Variants in HSPA12A observed in about 807,000 individuals in gnomAD.
HSPA12A encodes heat shock protein family A (Hsp70) member 12A.
Under a neutral mutation model 69.2 loss-of-function variants are expected in HSPA12A, and 28 were observed. The observed-to-expected ratio is 0.40, with a 90% CI of 0.30 to 0.55. HSPA12A has a LOEUF of 0.55. Among genes scored for constraint, HSPA12A ranks in the 20% least tolerant of loss-of-function variants. The pLI is 0.38. For synonymous variants in HSPA12A, 345 were observed against 370.5 expected (o/e 0.93, Z 0.79); for missense variants, 686 against 900.7 (o/e 0.76, Z 3.05).
At chr10:116,760,341 T>G (rs1259217100) in intron 2 of HSPA12A, among the ~76,000 whole-genome samples, 3 of 152,046 alleles carry the variant, frequency 2.0e-5, no homozygotes, top group African/African-American at 4.8e-5. Context: ...GCTCCCTGTT[T>G]CACTCTCCCA....
In HSPA12A at chr10:116,817,178, G is replaced by GT. The variant is rs1015492205; in HGVS notation, c.91+17756dup. 2.2e-4 allele frequency among the ~76,000 whole-genome samples: 33 copies of GT among 151,906 alleles called. No individual in the cohort carries two copies. The East Asian group carries it at 2.9e-3, about 13-fold the overall frequency. The stretch of plus-strand genomic sequence containing the variant: ...TAACAAAAGGAGAAACCCATTTGCT[G>GT]TTTTTTTTCCCGGGGATTTAGAACA... On this transcript the variant is annotated intron_variant, in intron 2 of 12. Coordinates refer to the HSPA12A transcript ENST00000635765.
Position 116,684,071 on chromosome 10 carries a change from A to G in HSPA12A, c.664-109T>C, listed in dbSNP as rs1172604095. ...TAAGGAGGGCGCACTCGTGCTCTGCATCTGTGGGACATTCTCTACACAGTC... is the reference window on the plus strand; with the variant it reads ...TAAGGAGGGCGCACTCGTGCTCTGCGTCTGTGGGACATTCTCTACACAGTC... On this transcript the variant is annotated intron_variant, in intron 6 of 11. Transcript: ENST00000369209. 7 of 900,914 alleles carry G rather than the reference A, an allele frequency of 7.8e-6. No homozygotes were observed. The East Asian group carries it at 1.4e-4, about 17-fold the overall frequency. The allele number at this position is 900,914 out of a possible 1,614,324, so 55.8% of individuals were successfully genotyped here.
chr10:116,702,290 C>T (rs367875133), intron 3 of HSPA12A, among the ~76,000 whole-genome samples: 22 of 152,216 alleles, frequency 1.4e-4, no homozygotes, highest in African/African-American at 2.4e-4. Flanking sequence ...CCTGGCCTGC[C>T]GCTGGCCATG....
chr10:116,716,441 T>A (rs1448290588), intron 1 of HSPA12A, among the ~76,000 whole-genome samples: 1 of 129,038 alleles, frequency 7.7e-6, no homozygotes. Context: ...AAGGCAGGTG[T>A]GTGTTGGGGG....
chr10:116,745,097 C>T (rs1851619351), upstream of HSPA12A, among the ~76,000 whole-genome samples: 1 of 152,322 alleles, frequency 6.6e-6, no homozygotes, highest in African/African-American at 2.4e-5. Context: ...GTGGCTTGCT[C>T]CTCCCAGAAC....
At chr10:116,783,466 G>A (rs1554892028) in intron 2 of HSPA12A, among the ~76,000 whole-genome samples, 1 of 152,162 alleles carries the variant, frequency 6.6e-6, no homozygotes, top group African/African-American at 2.4e-5. Context: ...TGAGCGTGTG[G>A]GTGGACTTGG....
intron 2 of HSPA12A, among the ~76,000 whole-genome samples, chr10:116,765,532 T>C (rs1844057312): frequency 1.3e-5 from 2 of 152,168 alleles, no homozygotes; most frequent in South Asian, 4.2e-4. Context: ...GACCTAGAAG[T>C]CCATAATCAT....
rs186068097 is a variant in HSPA12A at position 116,842,522 on chromosome 10, G to A, written c.3+7044C>T. On this transcript the variant is annotated intron_variant, in intron 1 of 12. Transcript: ENST00000635765. ...TTTGCTTTATTAGCCCTGTAGTTAT[G>A]TTACAAAAATAGCTTTAAGCTGTGG... Among the ~76,000 whole-genome samples, 4 of 152,244 alleles carry A rather than the reference G, an allele frequency of 2.6e-5. No homozygotes were observed. In the East Asian group the frequency reaches 7.7e-4, roughly 29 times the overall value.
intron 1 of HSPA12A, among the ~76,000 whole-genome samples, chr10:116,717,431 T>C (rs1166111791): frequency 6.6e-6 from 1 of 152,160 alleles, no homozygotes; most frequent in Non-Finnish European, 1.5e-5. Context: ...TATTCTTTGG[T>C]CTGCAAAGCT....
intron 2 of HSPA12A, among the ~76,000 whole-genome samples, chr10:116,823,031 C>T (rs571250473): frequency 7.8e-4 from 119 of 152,294 alleles, no homozygotes; most frequent in African/African-American, 2.6e-3. Flanking sequence ...CCCCAACTCA[C>T]CTCTTCCACA....
chr10:116,832,491 G>A (rs1845636313), intron 2 of HSPA12A: 1 of 152,348 alleles, frequency 6.6e-6, no homozygotes, highest in Non-Finnish European at 1.5e-5. Context: ...AGGGAAGTCA[G>A]TGGCAGAAGA....
chr10:116,750,158 G>A (rs1851742340), intron 2 of HSPA12A: 2 of 608,404 alleles, frequency 3.3e-6, no homozygotes, highest in South Asian at 1.8e-5. Context: ...ACCAAAACAT[G>A]GTGTGAAGGT....
rs540809005 is a variant in HSPA12A at position 116,676,379 on chromosome 10, C to T, written c.1390+20G>A. 3.1e-6 allele frequency: 5 copies of T among 1,597,946 alleles called. No individual in the cohort carries two copies. The African/African-American group carries it at 4.0e-5, about 13-fold the overall frequency. Reference sequence around the variant, plus strand: ...TCTCAGCTCTGCCTCGCCGAGTGGCCGAGCCTGGCTGATACTTACGGAGAT... The same window carrying T: ...TCTCAGCTCTGCCTCGCCGAGTGGCTGAGCCTGGCTGATACTTACGGAGAT... On this transcript the variant is annotated intron_variant, in intron 11 of 11. Transcript: ENST00000369209.
chr10:116,722,474 C>T (rs1181531080), intron 1 of HSPA12A, among the ~76,000 whole-genome samples: 1 of 152,198 alleles, frequency 6.6e-6, no homozygotes, highest in African/African-American at 2.4e-5. Flanking sequence ...AGACACCACA[C>T]TGAGGACATT....
At chr10:116,699,107 A>G (rs1217628107) in intron 4 of HSPA12A, among the ~76,000 whole-genome samples, 1 of 151,142 alleles carries the variant, frequency 6.6e-6, no homozygotes, top group Non-Finnish European at 1.5e-5. Flanking sequence ...ACATTCGAAC[A>G]CACATGGTCA....
At chr10:116,791,387 T>C (rs2133152752) in intron 2 of HSPA12A, among the ~76,000 whole-genome samples, 1 of 152,260 alleles carries the variant, frequency 6.6e-6, no homozygotes, top group East Asian at 1.9e-4. Flanking sequence ...TCAGGAAAAA[T>C]ACCTTTCCTC....
chr10:116,782,777 T>C (rs1315317987), intron 2 of HSPA12A, among the ~76,000 whole-genome samples: 1 of 152,282 alleles, frequency 6.6e-6, no homozygotes, highest in East Asian at 1.9e-4. Context: ...CACCAAGGCT[T>C]GTGCAAGTAG....
At chr10:116,689,532 G>T (rs985444409) in intron 6 of HSPA12A, among the ~76,000 whole-genome samples, 2 of 152,116 alleles carry the variant, frequency 1.3e-5, no homozygotes, top group Non-Finnish European at 2.9e-5. Context: ...AAGCTGCTAG[G>T]CTGAGAACTA....
Position 116,751,981 on chromosome 10 carries a change from G to A in HSPA12A, c.92-44696C>T, listed in dbSNP as rs114150401. Reference sequence around the variant, plus strand: ...TGCTTTCTGTTCAGCCTGCAGCACCGTGAGCCATTTACACTTCTTTTCTTT... The same window carrying A: ...TGCTTTCTGTTCAGCCTGCAGCACCATGAGCCATTTACACTTCTTTTCTTT... On this transcript the variant is annotated intron_variant, in intron 2 of 12. Transcript: ENST00000635765. Among the ~76,000 whole-genome samples the A allele has an allele frequency of 7.2e-3, 1,093 of 152,304 alleles. 11 individuals carry two copies. The highest frequency in any genetic ancestry group is 0.024 in the African/African-American group (1,011 of 41,556).
Sources: gnomAD v4.1 joint callset for allele counts (sites outside exome capture counted in the v4.1 genomes callset) on GRCh38, gnomAD v4.1.1 for gene constraint, MANE v1.5 for transcripts, NCBI Gene and HGNC (gene_info 2026-07-23, HGNC 2026-07-21) for gene names.